Variants in CRHR1 observed in about 807,000 individuals in gnomAD.
The protein encoded by CRHR1 is corticotropin-releasing hormone receptor 1.
Under a neutral mutation model 56.0 loss-of-function variants are expected in CRHR1, and 28 were observed. That is an observed-to-expected ratio of 0.50 (90% CI 0.37 to 0.69). CRHR1 has a LOEUF of 0.69. Ranked by LOEUF, CRHR1 falls within the 30% of genes least tolerant of loss-of-function variation. CRHR1 has a pLI of 0.00. For synonymous variants in CRHR1, 195 were observed against 216.5 expected, an observed-to-expected ratio of 0.90 and a Z score of 0.87; for missense variants, 376 against 548.0, an observed-to-expected ratio of 0.69 and a Z score of 3.13.
intron 1 of CRHR1, among the ~76,000 whole-genome samples, chr17:45,794,215 C>T (rs1268561237): frequency 6.6e-6 from 1 of 152,242 alleles, no homozygotes; most frequent in African/African-American, 2.4e-5. Flanking sequence ...TTGGTCTAGA[C>T]CCTGTTTGAC....
At chr17:45,824,224 G>A (rs371371853) in intron 4 of CRHR1, among the ~76,000 whole-genome samples, 4 of 152,218 alleles carry the variant, frequency 2.6e-5, no homozygotes, top group Non-Finnish European at 4.4e-5. Flanking sequence ...AGTAGAGGAG[G>A]TGGGAGGAAA....
At chr17:45,813,673 C>A (rs2061869985) in intron 2 of CRHR1, among the ~76,000 whole-genome samples, 1 of 152,224 alleles carries the variant, frequency 6.6e-6, no homozygotes, top group South Asian at 2.1e-4. Flanking sequence ...CCTGAGCTGG[C>A]ATCAAAAGAT....
intron 1 of CRHR1, among the ~76,000 whole-genome samples, chr17:45,802,286 C>G (rs2061637808): frequency 6.6e-6 from 1 of 152,202 alleles, no homozygotes; most frequent in Non-Finnish European, 1.5e-5. Flanking sequence ...GGTCGCACCA[C>G]TGCACTCTAG....
chr17:45,787,583 T>C (rs1489199102), intron 1 of CRHR1, among the ~76,000 whole-genome samples: 2 of 152,138 alleles, frequency 1.3e-5, no homozygotes, highest in Non-Finnish European at 1.5e-5. Flanking sequence ...CCCCCACAGG[T>C]CCCCTTCTCA....
At chr17:45,830,796 G>T (rs1371660207) in intron 7 of CRHR1, 84 bp from the exon 8 acceptor site, 2 of 1,423,100 alleles carry the variant, frequency 1.4e-6, no homozygotes. Flanking sequence ...CAGACCCCCT[G>T]GAGCCTGGGC....
intron 11 of CRHR1, 30 bp from the exon 12 acceptor site, chr17:45,833,977 G>T: frequency 1.2e-6 from 2 of 1,613,822 alleles, no homozygotes; most frequent in Admixed American, 1.7e-5. Flanking sequence ...ACCTGCAGCC[G>T]ACCTTTGACG....
Position 45,816,497 on chromosome 17 carries a change from C to T in CRHR1, c.156C>T (p.Gly52=). ...GCAACGCATCCGTGGACCTCATTGG[C>T]ACCTGCTGGCCCCGCAGCCCTGCGG... ...LQCNASVDLI[G]TCWPRSPAGQ... is the part of the protein sequence containing the mutation. The change falls in exon 3 of 13, where the codon GGC becomes GGT. Residue 52 remains glycine (G), a synonymous_variant. Transcript: ENST00000314537. 6.2e-7 allele frequency: 1 copy of T among 1,614,152 alleles called. No homozygotes were observed. The highest frequency in any genetic ancestry group is 8.5e-7 in the Non-Finnish European group (1 of 1,180,022).
At chr17:45,807,157 G>A (rs2061736050) in intron 2 of CRHR1, 60 bp downstream of exon 2, 1 of 1,474,480 alleles carries the variant, frequency 6.8e-7, no homozygotes, top group South Asian at 1.2e-5. Context: ...CCCTACCCCA[G>A]GTATCCCAGA....
At chr17:45,833,610 G>A in intron 10 of CRHR1, 73 bp downstream of exon 10, 4 of 1,580,800 alleles carry the variant, frequency 2.5e-6, no homozygotes, top group Non-Finnish European at 2.6e-6. Context: ...ACGTGCCAGA[G>A]ACCTGCCACT....
At chr17:45,814,051 G>A (rs2061877873) in intron 2 of CRHR1, among the ~76,000 whole-genome samples, 2 of 152,324 alleles carry the variant, frequency 1.3e-5, no homozygotes, top group South Asian at 2.1e-4. Context: ...GTCCTTTCCT[G>A]CCCTCCGTGC....
chr17:45,801,133 C>T (rs2061613531), intron 1 of CRHR1, among the ~76,000 whole-genome samples: 1 of 152,186 alleles, frequency 6.6e-6, no homozygotes, highest in Non-Finnish European at 1.5e-5. Flanking sequence ...GTGTGGGTAG[C>T]AGCTGCTGCA....
At chr17:45,830,602 C>T (rs1418764002) in intron 7 of CRHR1, 32 bp downstream of exon 7, 6 of 1,573,546 alleles carry the variant, frequency 3.8e-6, no homozygotes, top group Non-Finnish European at 8.6e-7. Flanking sequence ...GCAGCCTGGG[C>T]AGTGGCGGCC....
chr17:45,801,857 G>A (rs2061628960), intron 1 of CRHR1, among the ~76,000 whole-genome samples: 1 of 152,188 alleles, frequency 6.6e-6, no homozygotes, highest in Admixed American at 6.6e-5. Flanking sequence ...TGCTTCGACT[G>A]TAGTTCCCAC....
At chr17:45,833,320 G>A in intron 9 of CRHR1, 110 bp downstream of exon 9, 1 of 1,454,246 alleles carries the variant, frequency 6.9e-7, no homozygotes, top group Middle Eastern at 1.7e-4. Flanking sequence ...ACCCAAAGAG[G>A]GGGCATGGGT....
At chr17:45,820,029 C>T (rs1455582202) in intron 3 of CRHR1, among the ~76,000 whole-genome samples, 1 of 152,168 alleles carries the variant, frequency 6.6e-6, no homozygotes, top group Non-Finnish European at 1.5e-5. Context: ...AGCACGGCAG[C>T]AGCTCAGCTG....
At chr17:45,829,042 C>T (rs979735168) in intron 4 of CRHR1, 173 bp from the exon 5 acceptor site, 54 of 612,370 alleles carry the variant, frequency 8.8e-5, no homozygotes, top group Non-Finnish European at 2.3e-5. Flanking sequence ...AGCAGAGCCT[C>T]AAACTGGACG....
intron 1 of CRHR1, among the ~76,000 whole-genome samples, chr17:45,788,099 G>A (rs1347293335): frequency 6.6e-6 from 1 of 152,234 alleles, no homozygotes; most frequent in Non-Finnish European, 1.5e-5. Context: ...CAACCTCCAG[G>A]TTCAGCCACA....
chr17:45,784,513 G>C lies in CRHR1; in HGVS notation c.-32G>C, dbSNP rs754931588. On this transcript the variant is annotated 5_prime_UTR_variant, in exon 1 of 13. Transcript: ENST00000314537. The surrounding 1 kb of genome is among the most constrained non-coding windows in gnomAD (Gnocchi z 4.2). ...CCTCTGGGATGTCCGTAGGACCCGGGCATTCAGGACGGTAGCCGAGCGAGC... is the reference window on the plus strand; with the variant it reads ...CCTCTGGGATGTCCGTAGGACCCGGCCATTCAGGACGGTAGCCGAGCGAGC... The C allele has an allele frequency of 6.5e-7, 1 of 1,534,094 alleles. No individual in the cohort carries two copies. The highest frequency in any genetic ancestry group is 8.8e-7 in the Non-Finnish European group (1 of 1,139,630).
chr17:45,829,879 G>A (rs1396909943), intron 5 of CRHR1, among the ~76,000 whole-genome samples: 1 of 152,062 alleles, frequency 6.6e-6, no homozygotes, highest in Non-Finnish European at 1.5e-5. Flanking sequence ...GCCAGGCTCT[G>A]CCTGGGGCTT....
Sources: gnomAD v4.1 joint callset for allele counts (sites outside exome capture counted in the v4.1 genomes callset) on GRCh38, gnomAD v4.1.1 for gene constraint, Gnocchi (gnomAD v3.1) non-coding constraint, MANE v1.5 for transcripts, NCBI Gene and HGNC (gene_info 2026-07-23, HGNC 2026-07-21) for gene names.